Variants in CATSPER3 observed in about 807,000 individuals in gnomAD.
CATSPER3 encodes the protein cation channel sperm associated 3.
CATSPER3 carries 23 observed loss-of-function variants against 36.6 expected under a neutral mutation model. That is an observed-to-expected ratio of 0.63 (90% confidence interval 0.45 to 0.89). CATSPER3 has a LOEUF of 0.89. Ranked by LOEUF, CATSPER3 falls within the 40% of genes least tolerant of loss-of-function variation. The probability of loss-of-function intolerance (pLI) is 0.00; values close to 1 mark genes in which losing one functional copy is unlikely to be tolerated. For synonymous variants in CATSPER3, 172 were observed against 184.1 expected (o/e 0.93, Z 0.53); for missense variants, 474 against 503.9 (o/e 0.94, Z 0.57).
intron 3 of CATSPER3, among the ~76,000 whole-genome samples, chr5:134,999,005 T>C (rs1751988033): frequency 6.6e-6 from 1 of 152,254 alleles, no homozygotes; most frequent in Non-Finnish European, 1.5e-5. Flanking sequence ...ATGTCCTGAA[T>C]GGTATTGCCT....
chr5:134,989,813 C>G (rs531903137), intron 2 of CATSPER3, among the ~76,000 whole-genome samples: 1 of 152,324 alleles, frequency 6.6e-6, no homozygotes, highest in South Asian at 2.1e-4. Context: ...CCCAACTTGG[C>G]TAACTTTTTG....
intron 3 of CATSPER3, among the ~76,000 whole-genome samples, chr5:135,001,944 A>G (rs1163850295): frequency 1.3e-5 from 2 of 152,058 alleles, no homozygotes; most frequent in Non-Finnish European, 2.9e-5. Context: ...TTTTAATTGG[A>G]GCATTGAGCC....
intron 2 of CATSPER3, among the ~76,000 whole-genome samples, chr5:134,982,995 T>C (rs1035159023): frequency 2.0e-5 from 3 of 152,034 alleles, no homozygotes; most frequent in Non-Finnish European, 4.4e-5. Context: ...TAGATTGTTA[T>C]AAATTTAAGA....
chr5:135,009,970 C>T (rs993936180), intron 6 of CATSPER3, among the ~76,000 whole-genome samples: 5 of 152,198 alleles, frequency 3.3e-5, no homozygotes, highest in South Asian at 2.1e-4. Flanking sequence ...ATGAGGGACC[C>T]GGGTGAATTT....
chr5:134,971,099 G>T (rs1274719545), intron 2 of CATSPER3, among the ~76,000 whole-genome samples: 2 of 151,920 alleles, frequency 1.3e-5, no homozygotes, highest in Non-Finnish European at 2.9e-5. Context: ...ACAGGCGCCC[G>T]CCACAACGCC....
Position 134,968,077 on chromosome 5 carries a change from T to A in CATSPER3, c.86T>A (p.Phe29Tyr), listed in dbSNP as rs759353735. The A allele has an allele frequency of 6.8e-6, 11 of 1,609,274 alleles. No homozygotes were observed. In the Admixed American group the frequency reaches 1.8e-4, roughly 27 times the overall value. Reference protein sequence around the residue: ...DTTSVGFCPTFKKFKRNDDEC... With the variant: ...DTTSVGFCPTYKKFKRNDDEC... ...ACATCGGTGGGATTTTGCCCAACAT[T>A]CAAGAAATTTAAGTAAATATTATCT... The change falls in exon 1 of 8, where the codon TTC (phenylalanine) becomes TAC (tyrosine). Residue 29 changes from phenylalanine to tyrosine, a missense_variant. Transcript: ENST00000282611.
At chr5:134,971,818 GAAGA>G (rs1482019954) in intron 2 of CATSPER3, among the ~76,000 whole-genome samples, 4 of 152,096 alleles carry the variant, frequency 2.6e-5, no homozygotes, top group Admixed American at 2.0e-4. Flanking sequence ...AGAGATGAAG[GAAGA>G]GAAGGTTCAG....
intron 2 of CATSPER3, among the ~76,000 whole-genome samples, chr5:134,986,016 A>G (rs938604442): frequency 3.3e-5 from 5 of 152,156 alleles, no homozygotes; most frequent in Admixed American, 6.6e-5. Flanking sequence ...ATACATATAT[A>G]ATGAATTCTA....
intron 2 of CATSPER3, among the ~76,000 whole-genome samples, chr5:134,993,806 AC>A (rs2149550046): frequency 6.6e-6 from 1 of 152,368 alleles, no homozygotes; most frequent in South Asian, 2.1e-4. Flanking sequence ...TATATGGTTT[AC>A]CTGCATGGAA....
At chr5:134,973,195 G>A (rs904192952) in intron 2 of CATSPER3, among the ~76,000 whole-genome samples, 6 of 152,168 alleles carry the variant, frequency 3.9e-5, no homozygotes, top group Non-Finnish European at 8.8e-5. Context: ...CTGAAGATGA[G>A]CATTAAATAT....
chr5:135,006,334 G>A (rs1454187165), intron 3 of CATSPER3, among the ~76,000 whole-genome samples: 1 of 152,176 alleles, frequency 6.6e-6, no homozygotes, highest in Non-Finnish European at 1.5e-5. Context: ...TTGTGGGCTG[G>A]CCTGGAGGTG....
At chr5:134,998,071 G>A (rs887096940) in intron 3 of CATSPER3, among the ~76,000 whole-genome samples, 16 of 151,360 alleles carry the variant, frequency 1.1e-4, no homozygotes, top group African/African-American at 3.9e-4. Flanking sequence ...ATCCCTCCCC[G>A]CCACCCCTCC....
chr5:135,002,209 C>G (rs1752028611), intron 3 of CATSPER3, among the ~76,000 whole-genome samples: 1 of 152,150 alleles, frequency 6.6e-6, no homozygotes, highest in Non-Finnish European at 1.5e-5. Flanking sequence ...TTTTATTTCT[C>G]CTTCACTTAT....
At chr5:134,969,622 T>C (rs899871515) in intron 1 of CATSPER3, 2 of 384,566 alleles carry the variant, frequency 5.2e-6, no homozygotes, top group Non-Finnish European at 4.9e-6. Flanking sequence ...TTGCTTGATA[T>C]GTAGTTGCCA....
At chr5:134,999,277 C>T (rs1395159942) in intron 3 of CATSPER3, among the ~76,000 whole-genome samples, 1 of 152,180 alleles carries the variant, frequency 6.6e-6, no homozygotes, top group Non-Finnish European at 1.5e-5. Flanking sequence ...GTCTATATCT[C>T]TGTTTTGGTA....
chr5:135,003,448 C>G (rs566799549), intron 3 of CATSPER3, among the ~76,000 whole-genome samples: 10 of 152,060 alleles, frequency 6.6e-5, no homozygotes, highest in Non-Finnish European at 8.8e-5. Context: ...TCTCAAACTC[C>G]GTGCTGGGAG....
At chr5:134,990,009 G>A (rs1395357361) in intron 2 of CATSPER3, among the ~76,000 whole-genome samples, 1 of 152,160 alleles carries the variant, frequency 6.6e-6, no homozygotes, top group Non-Finnish European at 1.5e-5. Context: ...CCAGGAGAGG[G>A]AGAGAGATGG....
At chr5:134,972,388 A>G (rs1400833055) in intron 2 of CATSPER3, among the ~76,000 whole-genome samples, 1 of 152,226 alleles carries the variant, frequency 6.6e-6, no homozygotes, top group East Asian at 1.9e-4. Context: ...GAGAGACTGT[A>G]GCATATGACT....
chr5:134,976,527 C>T (rs965182517), intron 2 of CATSPER3, among the ~76,000 whole-genome samples: 2 of 152,244 alleles, frequency 1.3e-5, no homozygotes, highest in Non-Finnish European at 2.9e-5. Context: ...GAGTTGAGTA[C>T]TTGCAGCTTT....
Sources: allele counts gnomAD v4.1 joint callset (sites outside exome capture counted in the v4.1 genomes callset), GRCh38; gene constraint gnomAD v4.1.1; transcripts MANE v1.5; gene names NCBI Gene and HGNC (gene_info 2026-07-23, HGNC 2026-07-21).